The following ANOS1 variants were observed in gnomAD, a reference collection of about 807,000 sequenced individuals.
The protein encoded by ANOS1 is anosmin-1.
ANOS1 carries 6 observed loss-of-function variants against 59.0 expected under a neutral mutation model. That is an observed-to-expected ratio of 0.10 (90% CI 0.06 to 0.20). The LOEUF is 0.20. ANOS1 is among the 10% of genes least tolerant of loss of function. ANOS1 has a pLI of 1.00. For synonymous variants in ANOS1, 217 were observed against 223.4 expected (o/e 0.97, Z 0.25); for missense variants, 433 against 542.3 (o/e 0.80, Z 2.00).
chrX:8,591,967 CTGCAATA>C (rs780170626), intron 4 of ANOS1, among the ~76,000 whole-genome samples: 18 of 112,596 alleles, frequency 1.6e-4, no homozygotes, highest in African/African-American at 5.5e-4. Flanking sequence ...GTATGGCAAA[CTGCAATA>C]TGTGACGTCC....
At chrX:8,551,673 T>C (rs1168123011) in intron 9 of ANOS1, among the ~76,000 whole-genome samples, 3 of 109,416 alleles carry the variant, frequency 2.7e-5, no homozygotes, top group Non-Finnish European at 5.7e-5. Flanking sequence ...AGAAAATACT[T>C]ACATGAAAAC....
chrX:8,561,536 C>T (rs1440117872), intron 8 of ANOS1, among the ~76,000 whole-genome samples: 3 of 100,772 alleles, frequency 3.0e-5, no homozygotes, highest in Non-Finnish European at 4.0e-5. Context: ...AGGATGGTCT[C>T]GATCTCCTGA....
At chrX:8,618,484 A>G (rs1040405108) in intron 3 of ANOS1, among the ~76,000 whole-genome samples, 1 of 111,913 alleles carries the variant, frequency 8.9e-6, no homozygotes, top group Admixed American at 9.5e-5. Context: ...CAGCTGTTTT[A>G]CCAGCTGTTT....
intron 2 of ANOS1, among the ~76,000 whole-genome samples, chrX:8,697,530 G>A (rs1932701297): frequency 9.0e-6 from 1 of 111,670 alleles, no homozygotes; most frequent in Admixed American, 9.5e-5. Flanking sequence ...GTTGGAGGTG[G>A]GAAGAGTGGT....
intron 2 of ANOS1, among the ~76,000 whole-genome samples, chrX:8,641,183 T>C (rs1191364418): frequency 8.9e-6 from 1 of 111,914 alleles, no homozygotes. Context: ...ATAACATACT[T>C]CATGAATCTG....
At chrX:8,717,507 C>G (rs1289776066) in intron 1 of ANOS1, among the ~76,000 whole-genome samples, 1 of 110,757 alleles carries the variant, frequency 9.0e-6, no homozygotes, top group Non-Finnish European at 1.9e-5. Flanking sequence ...AAGATGTTCT[C>G]TACTTTCTTT....
chrX:8,728,525 C>T (rs952468866), intron 1 of ANOS1, among the ~76,000 whole-genome samples: 5 of 111,611 alleles, frequency 4.5e-5, no homozygotes, highest in African/African-American at 1.6e-4. Context: ...GGGTGTAGAG[C>T]AGGTCTGCAC....
intron 3 of ANOS1, among the ~76,000 whole-genome samples, chrX:8,604,740 T>A (rs754730613): frequency 8.9e-6 from 1 of 112,227 alleles, no homozygotes; most frequent in South Asian, 3.7e-4. Context: ...GATACATCCG[T>A]CTCTGTATGT....
chrX:8,567,941 T>C (rs959344751), intron 8 of ANOS1, among the ~76,000 whole-genome samples: 1 of 112,579 alleles, frequency 8.9e-6, no homozygotes, highest in Non-Finnish European at 1.9e-5. Flanking sequence ...GTGCACGTCA[T>C]GTAAACATAA....
chrX:8,683,677 C>T (rs12008897), intron 2 of ANOS1, among the ~76,000 whole-genome samples: 6,979 of 111,577 alleles, frequency 0.063, 240 homozygotes, highest in African/African-American at 0.13. Flanking sequence ...CGCCATTGCC[C>T]CCATTTCCTT....
chrX:8,589,805 C>T (rs1266107964), intron 4 of ANOS1, among the ~76,000 whole-genome samples: 2 of 112,448 alleles, frequency 1.8e-5, no homozygotes, highest in African/African-American at 3.2e-5. Flanking sequence ...ATCTTTTCCA[C>T]CTGCCTGCTG....
chrX:8,553,082 T>C (rs1347270936), intron 9 of ANOS1, among the ~76,000 whole-genome samples: 1 of 109,888 alleles, frequency 9.1e-6, no homozygotes, highest in African/African-American at 3.3e-5. Flanking sequence ...AAAACCTAAC[T>C]CTTGAAACAA....
At chrX:8,725,781 TAAAG>T (rs1406122708) in intron 1 of ANOS1, among the ~76,000 whole-genome samples, 12 of 104,731 alleles carry the variant, frequency 1.1e-4, no homozygotes, top group Non-Finnish European at 2.1e-4. Context: ...ATATACTGCA[TAAAG>T]AAATAAACAA....
chrX:8,613,883 T>C (rs1453918428), intron 3 of ANOS1, among the ~76,000 whole-genome samples: 1 of 112,340 alleles, frequency 8.9e-6, no homozygotes, highest in Non-Finnish European at 1.9e-5. Context: ...GGCTAGGCCT[T>C]GGTTCAGTAG....
chrX:8,546,381 G>T (rs1379266947), intron 9 of ANOS1, among the ~76,000 whole-genome samples: 2 of 112,375 alleles, frequency 1.8e-5, no homozygotes, highest in Non-Finnish European at 3.8e-5. Context: ...CATGAGCTCT[G>T]CTACAATTTA....
intron 4 of ANOS1, among the ~76,000 whole-genome samples, chrX:8,596,132 C>T (rs1051944561): frequency 9.0e-6 from 1 of 111,150 alleles, no homozygotes; most frequent in Admixed American, 9.6e-5. Context: ...TATTTCATTA[C>T]ATATTACAAT....
At chrX:8,696,824 C>T (rs1337811718) in intron 2 of ANOS1, among the ~76,000 whole-genome samples, 1 of 112,424 alleles carries the variant, frequency 8.9e-6, no homozygotes, top group Non-Finnish European at 1.9e-5. Flanking sequence ...ATATTTCCAG[C>T]CATTGGCAAT....
Position 8,643,904 on chromosome X carries a change from C to T in ANOS1, c.256-20234G>A, listed in dbSNP as rs959728999. Among the ~76,000 whole-genome samples, 92 of 111,001 alleles carry T rather than the reference C, an allele frequency of 8.3e-4. 1 individual carries two copies. Among genetic ancestry groups the T allele is most frequent in the African/African-American group, 2.9e-3 (88 of 30,518 alleles). ...TTTACCTATAACCTAGAAGTGCCAC[C>T]CCCCCAACCCCGCCTCCACTTTGAG... On this transcript the variant is annotated intron_variant, in intron 2 of 13. Transcript: ENST00000262648.
At chrX:8,662,237 A>C (rs1370792999) in intron 2 of ANOS1, among the ~76,000 whole-genome samples, 1 of 111,663 alleles carries the variant, frequency 9.0e-6, no homozygotes, top group Non-Finnish European at 1.9e-5. Context: ...GGATGGCTTC[A>C]AGGGTGAGCA....
Sources: allele counts gnomAD v4.1 joint callset (sites outside exome capture counted in the v4.1 genomes callset), GRCh38; gene constraint gnomAD v4.1.1; transcripts MANE v1.5; gene names NCBI Gene and HGNC (gene_info 2026-07-23, HGNC 2026-07-21).